Variants in GAS7 observed in about 807,000 individuals in gnomAD.
GAS7 encodes the protein growth arrest-specific protein 7.
In GAS7, 28 loss-of-function variants were observed where a neutral mutation model predicts 71.1. The observed-to-expected ratio is 0.39, with a 90% CI of 0.29 to 0.54. GAS7 has a LOEUF of 0.54. GAS7 is among the 20% of genes least tolerant of loss of function. GAS7 has a pLI of 0.62. For missense variants in GAS7, 436 were observed against 627.8 expected (o/e 0.69, Z 3.27); for synonymous variants, 258 against 245.8 (o/e 1.05, Z -0.46).
At chr17:10,012,862 G>C (rs2071830471) in intron 2 of GAS7, among the ~76,000 whole-genome samples, 1 of 151,880 alleles carries the variant, frequency 6.6e-6, no homozygotes, top group South Asian at 2.1e-4. Flanking sequence ...CAGCACCTTG[G>C]GAGGCCGAGG....
Position 9,998,576 on chromosome 17 carries a change from G to A in GAS7, c.305-16692C>T, listed in dbSNP as rs141571972. On this transcript the variant is annotated intron_variant, in intron 2 of 13. Coordinates refer to ENST00000432992, the MANE Select transcript of GAS7 (RefSeq NM_201433.2). ...GAGCCCAGGAGCTCGAGACCAGCCT[G>A]GGCAATATAGTGAGACCCCTGTCTC... 5.9e-5 allele frequency among the ~76,000 whole-genome samples: 9 copies of A among 152,188 alleles called. No individual in the cohort carries two copies. In the East Asian group the frequency reaches 1.7e-3, roughly 29 times the overall value.
At chr17:9,922,078 T>G (rs1198278486) in intron 11 of GAS7, among the ~76,000 whole-genome samples, 2 of 152,140 alleles carry the variant, frequency 1.3e-5, no homozygotes, top group East Asian at 3.9e-4. Flanking sequence ...AAAATGGAGA[T>G]AACGATTGTA....
chr17:9,997,280 CTG>C (rs2071088054), intron 2 of GAS7, among the ~76,000 whole-genome samples: 1 of 151,834 alleles, frequency 6.6e-6, no homozygotes, highest in Non-Finnish European at 1.5e-5. Flanking sequence ...GTCCATAAGA[CTG>C]CTAGAAGAAA....
At chr17:10,092,501 T>G (rs1320744452) in intron 1 of GAS7, among the ~76,000 whole-genome samples, 2 of 152,220 alleles carry the variant, frequency 1.3e-5, no homozygotes, top group Non-Finnish European at 2.9e-5. Context: ...AGATGTTCCC[T>G]AAGGTTCAAA....
chr17:9,975,339 G>C (rs1420605757), intron 3 of GAS7, among the ~76,000 whole-genome samples: 3 of 115,472 alleles, frequency 2.6e-5, no homozygotes, highest in Non-Finnish European at 5.3e-5. Context: ...TGGGCAACAA[G>C]TGCGAAACTG....
chr17:9,935,501 C>G (rs546142834), intron 8 of GAS7, among the ~76,000 whole-genome samples: 66 of 152,226 alleles, frequency 4.3e-4, no homozygotes, highest in Non-Finnish European at 7.8e-4. Flanking sequence ...TTAATATCAT[C>G]CAAAAGCCAC....
At chr17:10,165,317 C>G (rs367576091) in intron 1 of GAS7, among the ~76,000 whole-genome samples, 2 of 132,910 alleles carry the variant, frequency 1.5e-5, no homozygotes, top group Non-Finnish European at 1.6e-5. Context: ...AAAAAGAAAA[C>G]AAAAGAAAAG....
chr17:9,944,561 C>T (rs780818359), intron 6 of GAS7, among the ~76,000 whole-genome samples: 2 of 152,210 alleles, frequency 1.3e-5, no homozygotes, highest in East Asian at 3.9e-4. Flanking sequence ...TGCAGGGAAC[C>T]CCATTTACCA....
chr17:10,051,521 T>G (rs2073062730), intron 1 of GAS7, among the ~76,000 whole-genome samples: 1 of 152,130 alleles, frequency 6.6e-6, no homozygotes, highest in African/African-American at 2.4e-5. Context: ...GACTGTCCCC[T>G]AAAGTAACTA....
chr17:10,036,508 G>A, intron 1 of GAS7: 1 of 1,611,584 alleles, frequency 6.2e-7, no homozygotes, highest in Non-Finnish European at 8.5e-7. Flanking sequence ...GAAGCCCTCA[G>A]ACTCAGCACC....
chr17:10,089,957 C>T (rs376433228), intron 1 of GAS7, among the ~76,000 whole-genome samples: 1 of 152,062 alleles, frequency 6.6e-6, no homozygotes. Context: ...CACTTGAGGC[C>T]GGGAGTTCGA....
chr17:10,064,100 C>T (rs540468960), intron 1 of GAS7, among the ~76,000 whole-genome samples: 9 of 152,306 alleles, frequency 5.9e-5, no homozygotes, highest in Middle Eastern at 3.4e-3. Context: ...TTTGTAAACA[C>T]GAAGTCCCAG....
intron 8 of GAS7, among the ~76,000 whole-genome samples, chr17:9,939,540 A>G (rs1192160318): frequency 6.6e-6 from 1 of 152,102 alleles, no homozygotes; most frequent in African/African-American, 2.4e-5. Context: ...GGGTCAGACC[A>G]GAGGGGATTC....
chr17:10,023,322 G>C (rs950901518), intron 1 of GAS7, among the ~76,000 whole-genome samples: 2 of 152,154 alleles, frequency 1.3e-5, no homozygotes, highest in African/African-American at 4.8e-5. Context: ...AAAGTCAAAA[G>C]ACATGGAGAC....
At chr17:10,197,329 T>C (rs1467704581) in intron 1 of GAS7, among the ~76,000 whole-genome samples, 8 of 152,182 alleles carry the variant, frequency 5.3e-5, no homozygotes, top group Admixed American at 5.2e-4. Flanking sequence ...CCATTGAAGG[T>C]AACTGTTAAT....
chr17:9,951,245 A>G (rs1344142277), intron 5 of GAS7, among the ~76,000 whole-genome samples: 1 of 152,266 alleles, frequency 6.6e-6, no homozygotes, highest in Non-Finnish European at 1.5e-5. Flanking sequence ...GCAGTCCATG[A>G]AAATTTCAAT....
At chr17:9,982,724 CGAG>C in intron 2 of GAS7, among the ~76,000 whole-genome samples, 1 of 150,890 alleles carries the variant, frequency 6.6e-6, no homozygotes, top group Non-Finnish European at 1.5e-5. Flanking sequence ...TGCAGTGAGC[CGAG>C]ATTGTGCCAC....
chr17:10,181,098 AC>A (rs2074411509), intron 1 of GAS7, among the ~76,000 whole-genome samples: 1 of 150,418 alleles, frequency 6.6e-6, no homozygotes, highest in Admixed American at 6.6e-5. Flanking sequence ...ACGGTGGCTC[AC>A]GCCTGTAATC....
chr17:10,073,566 T>C (rs2073362508), intron 1 of GAS7, among the ~76,000 whole-genome samples: 1 of 152,204 alleles, frequency 6.6e-6, no homozygotes, highest in African/African-American at 2.4e-5. Context: ...AAATGCAGCA[T>C]CTGCGCCCCG....
Sources: allele counts gnomAD v4.1 joint callset (sites outside exome capture counted in the v4.1 genomes callset), GRCh38; gene constraint gnomAD v4.1.1; transcripts MANE v1.5; gene names NCBI Gene and HGNC (gene_info 2026-07-23, HGNC 2026-07-21).